DACH2: variants seen among roughly 807,000 people sequenced by gnomAD.
DACH2 encodes the protein dachshund homolog 2.
In DACH2, 17 loss-of-function variants were observed where a neutral mutation model predicts 35.8. That is an observed-to-expected ratio of 0.48 (90% CI 0.33 to 0.71). DACH2 has a LOEUF of 0.71. Among genes scored for constraint, DACH2 ranks in the 30% least tolerant of loss-of-function variants. The pLI is 0.02. For missense variants in DACH2, 469 were observed against 472.7 expected (o/e 0.99, Z 0.07); for synonymous variants, 195 against 177.3 (o/e 1.10, Z -0.79).
chrX:86,807,256 T>A (rs1169766803), intron 7 of DACH2, among the ~76,000 whole-genome samples: 1 of 112,333 alleles, frequency 8.9e-6, no homozygotes, highest in East Asian at 2.8e-4. Context: ...CTTTCACTTC[T>A]GTAAATTTTC....
At chrX:86,612,049 T>C (rs1226537286) in intron 3 of DACH2, among the ~76,000 whole-genome samples, 1 of 107,134 alleles carries the variant, frequency 9.3e-6, no homozygotes, top group Admixed American at 1.0e-4. Flanking sequence ...CTCTAAAAGG[T>C]TTTTTTTAGT....
At chrX:86,793,373 T>G (rs914446024) in intron 7 of DACH2, among the ~76,000 whole-genome samples, 1 of 111,263 alleles carries the variant, frequency 9.0e-6, no homozygotes, top group Non-Finnish European at 1.9e-5. Flanking sequence ...CTAGTACATT[T>G]TGAAGAAAGA....
At chrX:86,762,001 C>T (rs1475331165) in intron 7 of DACH2, among the ~76,000 whole-genome samples, 2 of 110,533 alleles carry the variant, frequency 1.8e-5, no homozygotes, top group African/African-American at 3.3e-5. Flanking sequence ...CTGGTCTATT[C>T]GAGGGGTGAT....
At chrX:86,167,111 C>T (rs1273336576) in intron 1 of DACH2, among the ~76,000 whole-genome samples, 1 of 111,062 alleles carries the variant, frequency 9.0e-6, no homozygotes, top group Non-Finnish European at 1.9e-5. Context: ...TTCTATTTTT[C>T]GGAATAGTTT....
intron 1 of DACH2, among the ~76,000 whole-genome samples, chrX:86,193,383 A>C (rs1402274198): frequency 8.9e-6 from 1 of 111,918 alleles, no homozygotes; most frequent in African/African-American, 3.2e-5. Context: ...TGCCTCAATG[A>C]AATACAACAA....
At chrX:86,504,230 G>A (rs1011598793) in intron 2 of DACH2, among the ~76,000 whole-genome samples, 7 of 110,479 alleles carry the variant, frequency 6.3e-5, no homozygotes, top group Non-Finnish European at 9.5e-5. Flanking sequence ...CAAGTTTCTC[G>A]GGGCCACAAA....
At chrX:86,443,988 A>G (rs1427371064) in intron 2 of DACH2, among the ~76,000 whole-genome samples, 6 of 111,662 alleles carry the variant, frequency 5.4e-5, no homozygotes, top group African/African-American at 2.0e-4. Context: ...TGATTTTGGT[A>G]TTATGGTAAT....
intron 1 of DACH2, among the ~76,000 whole-genome samples, chrX:86,198,350 A>G (rs2032050516): frequency 9.0e-6 from 1 of 111,719 alleles, no homozygotes; most frequent in Non-Finnish European, 1.9e-5. Context: ...TAGCAACTAA[A>G]AGAACTAGAG....
At chrX:86,442,739 T>C (rs990283011) in intron 2 of DACH2, among the ~76,000 whole-genome samples, 15 of 111,320 alleles carry the variant, frequency 1.3e-4, no homozygotes, top group Admixed American at 6.8e-4. Context: ...TGCCAAGAGA[T>C]AAGGGACTTC....
At chrX:86,318,143 T>C (rs2034948569) in intron 1 of DACH2, among the ~76,000 whole-genome samples, 1 of 112,177 alleles carries the variant, frequency 8.9e-6, no homozygotes, top group Admixed American at 9.5e-5. Context: ...AGCAAACAAA[T>C]ATGTTTCAAA....
chrX:86,651,121 C>A lies in DACH2; in HGVS notation c.726C>A (p.Ser242Arg), dbSNP rs1244891259. 1 of 1,207,699 alleles carries A rather than the reference C, an allele frequency of 8.3e-7. No individual in the cohort carries two copies. Among genetic ancestry groups the A allele is most frequent in the African/African-American group, 1.8e-5 (1 of 57,056 alleles). Reference sequence around the variant, plus strand: ...TGAACACTCTTCAGGGAAATGGAAGCCAAAATGGGACCGAATCAGAGCCTG... The same window carrying A: ...TGAACACTCTTCAGGGAAATGGAAGACAAAATGGGACCGAATCAGAGCCTG... ...MAMNTLQGNG[S>R]QNGTESEPDD... Residue 242 changes from serine to arginine, a missense_variant, in exon 4 of 12, where the codon AGC becomes AGA. Ser to Arg is a moderately radical substitution (Grantham distance 110). Coordinates refer to ENST00000373125, the MANE Select transcript of DACH2 (RefSeq NM_053281.3).
At chrX:86,455,430 G>A (rs2037458147) in intron 2 of DACH2, among the ~76,000 whole-genome samples, 2 of 111,589 alleles carry the variant, frequency 1.8e-5, no homozygotes, top group African/African-American at 6.5e-5. Context: ...CCCTCCCCCC[G>A]AAACTCTGTC....
rs2041938392 is a variant in DACH2 at position 86,766,651 on chromosome X, T to C, written c.1240+26769T>C. The stretch of plus-strand genomic sequence containing the variant: ...TTGCCATTTCATTCTTGCTATTGAC[T>C]AAGTTTGAAAAAGTCTTACCCTCAA... On this transcript the variant is annotated intron_variant, in intron 7 of 11. Coordinates refer to ENST00000373125, the MANE Select transcript of DACH2 (RefSeq NM_053281.3). Among the ~76,000 whole-genome samples the C allele has an allele frequency of 2.7e-5, 3 of 112,261 alleles. No homozygotes were observed. In the Admixed American group the frequency reaches 2.8e-4, roughly 11 times the overall value.
chrX:86,587,984 G>T (rs2039596453), intron 3 of DACH2, among the ~76,000 whole-genome samples: 1 of 111,178 alleles, frequency 9.0e-6, no homozygotes, highest in Admixed American at 9.6e-5. Context: ...TTTTCTTCTA[G>T]GATTTTTATA....
chrX:86,687,284 G>GA (rs1198326544), intron 4 of DACH2, among the ~76,000 whole-genome samples: 3 of 110,158 alleles, frequency 2.7e-5, no homozygotes, highest in Admixed American at 2.0e-4. Context: ...CAACAGACAT[G>GA]AAAAAAAAGC....
chrX:86,719,932 C>T (rs200293550), intron 6 of DACH2, among the ~76,000 whole-genome samples: 1 of 75,576 alleles, frequency 1.3e-5, no homozygotes, highest in African/African-American at 4.9e-5. Context: ...TTTCTTTTTT[C>T]TTTTTTTTTT....
intron 2 of DACH2, among the ~76,000 whole-genome samples, chrX:86,501,479 T>A (rs946696683): frequency 1.7e-4 from 19 of 111,910 alleles, no homozygotes; most frequent in African/African-American, 6.2e-4. Flanking sequence ...TCAGCAAGGG[T>A]TTAGGAAAAT....
At chrX:86,303,008 T>C (rs2034604827) in intron 1 of DACH2, among the ~76,000 whole-genome samples, 1 of 106,054 alleles carries the variant, frequency 9.4e-6, no homozygotes, top group Non-Finnish European at 1.9e-5. Context: ...ATCTTCATAT[T>C]GCAGATGAGA....
intron 1 of DACH2, among the ~76,000 whole-genome samples, chrX:86,150,690 C>T (rs765194253): frequency 9.0e-6 from 1 of 111,600 alleles, no homozygotes; most frequent in Admixed American, 9.5e-5. Context: ...ACAGCTCCCT[C>T]AATAAAACAG....
Sources: allele counts gnomAD v4.1 joint callset (sites outside exome capture counted in the v4.1 genomes callset), GRCh38; gene constraint gnomAD v4.1.1; transcripts MANE v1.5; gene names NCBI Gene and HGNC (gene_info 2026-07-23, HGNC 2026-07-21).